Variants in SLC14A2 observed in about 807,000 individuals in gnomAD.
SLC14A2 encodes the protein urea transporter 2.
A neutral mutation model predicts 104.6 loss-of-function variants in SLC14A2; 91 were observed. That is an observed-to-expected ratio of 0.87 (90% CI 0.73 to 1.04). The LOEUF is 1.04. Ranked by LOEUF, SLC14A2 falls within the 50% of genes least tolerant of loss-of-function variation. The pLI, the probability that SLC14A2 is intolerant of heterozygous loss-of-function variation, is 0.00. For missense variants in SLC14A2, 1,189 were observed against 1,156.0 expected (o/e 1.03, Z -0.41); for synonymous variants, 476 against 466.4 (o/e 1.02, Z -0.27).
At chr18:45,529,639 G>T (rs1390733567) in intron 2 of SLC14A2, 1 of 152,090 alleles carries the variant, frequency 6.6e-6, no homozygotes, top group East Asian at 1.9e-4. Flanking sequence ...GTTACATTGA[G>T]GCCCAAGACT....
intron 1 of SLC14A2, among the ~76,000 whole-genome samples, chr18:45,222,157 C>T (rs2084068683): frequency 6.6e-6 from 1 of 152,108 alleles, no homozygotes; most frequent in Non-Finnish European, 1.5e-5. Context: ...GGGCTATAAA[C>T]CTTTTCTTTG....
At chr18:45,280,476 C>T (rs2084750909) in intron 1 of SLC14A2, among the ~76,000 whole-genome samples, 5 of 152,160 alleles carry the variant, frequency 3.3e-5, no homozygotes. Flanking sequence ...GATACTTCCA[C>T]CACCATACTG....
intron 2 of SLC14A2, among the ~76,000 whole-genome samples, chr18:45,519,372 T>C (rs1038458240): frequency 2.0e-5 from 3 of 152,196 alleles, no homozygotes; most frequent in Admixed American, 6.5e-5. Context: ...TTGTAGGAGA[T>C]GGAATGCTCC....
intron 1 of SLC14A2, among the ~76,000 whole-genome samples, chr18:45,434,832 A>G (rs2086571372): frequency 6.6e-6 from 1 of 152,186 alleles, no homozygotes; most frequent in Non-Finnish European, 1.5e-5. Context: ...ATTGCCACCT[A>G]CTTGAAGTGA....
At chr18:45,433,182 A>C (rs540724704) in intron 1 of SLC14A2, among the ~76,000 whole-genome samples, 2 of 152,214 alleles carry the variant, frequency 1.3e-5, no homozygotes, top group Non-Finnish European at 2.9e-5. Context: ...GACTGCAGGC[A>C]GGATCCTTTC....
intron 2 of SLC14A2, among the ~76,000 whole-genome samples, chr18:45,522,236 TATG>T (rs986780660): frequency 6.6e-6 from 1 of 152,196 alleles, no homozygotes; most frequent in Non-Finnish European, 1.5e-5. Context: ...AAGTTCTGGG[TATG>T]ATGTGTTGTG....
At chr18:45,343,100 A>AAAACT (rs2085412619) in intron 1 of SLC14A2, among the ~76,000 whole-genome samples, 2 of 149,344 alleles carry the variant, frequency 1.3e-5, no homozygotes, top group Non-Finnish European at 3.0e-5. Flanking sequence ...AACCTACCTG[A>AAAACT]GTTAGTCCTA....
chr18:45,193,959 T>C, the SLC14A2 span, among the ~76,000 whole-genome samples: 2 of 152,194 alleles, frequency 1.3e-5, no homozygotes, highest in Non-Finnish European at 2.9e-5. Flanking sequence ...AAATATTGCA[T>C]ATTTTTGATG....
intron 1 of SLC14A2, among the ~76,000 whole-genome samples, chr18:45,235,339 A>G (rs2084214278): frequency 1.3e-5 from 2 of 152,174 alleles, no homozygotes; most frequent in East Asian, 1.9e-4. Context: ...GTGATATTTC[A>G]AAGTATGTAT....
At chr18:45,279,848 A>G (rs1428464141) in intron 1 of SLC14A2, among the ~76,000 whole-genome samples, 6 of 152,152 alleles carry the variant, frequency 3.9e-5, no homozygotes, top group Admixed American at 3.9e-4. Flanking sequence ...ACTCTGCAAG[A>G]CATTTAATAA....
At chr18:45,562,616 A>G (rs948014455) in intron 2 of SLC14A2, among the ~76,000 whole-genome samples, 2 of 152,162 alleles carry the variant, frequency 1.3e-5, no homozygotes, top group African/African-American at 2.4e-5. Flanking sequence ...TAGCCCCACA[A>G]CAAGTCCATG....
chr18:45,511,332 T>C (rs2043362984), intron 2 of SLC14A2, among the ~76,000 whole-genome samples: 1 of 152,174 alleles, frequency 6.6e-6, no homozygotes, highest in South Asian at 2.1e-4. Context: ...ATCTCTGAAA[T>C]TCTAGAATTT....
intron 1 of SLC14A2, among the ~76,000 whole-genome samples, chr18:45,285,295 C>T (rs190801583): frequency 1.3e-5 from 2 of 152,294 alleles, no homozygotes; most frequent in Admixed American, 6.5e-5. Context: ...ACCTAATGCT[C>T]AAAGAAGCTA....
upstream of SLC14A2, among the ~76,000 whole-genome samples, chr18:45,611,740 A>G (rs1225900534): frequency 1.3e-5 from 2 of 152,216 alleles, no homozygotes; most frequent in Non-Finnish European, 2.9e-5. Context: ...AGACAGTCTT[A>G]GCTCCTGTGT....
intron 1 of SLC14A2, among the ~76,000 whole-genome samples, chr18:45,402,231 CTTCCT>C (rs1019984006): frequency 1.3e-5 from 2 of 152,178 alleles, no homozygotes; most frequent in Non-Finnish European, 2.9e-5. Flanking sequence ...GCACCCCTCC[CTTCCT>C]TTCCTCCTGC....
At chr18:45,656,136 A>G (rs1225066179) in intron 10 of SLC14A2, among the ~76,000 whole-genome samples, 1 of 152,246 alleles carries the variant, frequency 6.6e-6, no homozygotes, top group African/African-American at 2.4e-5. Context: ...AGGAAACTCC[A>G]CTGCGGCCTC....
rs556369766 is a variant in SLC14A2 at position 45,216,357 on chromosome 18, G to A, written c.-125+3166G>A. Among the ~76,000 whole-genome samples, 65 of 152,260 alleles carry A rather than the reference G, an allele frequency of 4.3e-4. No individual in the cohort carries two copies. The South Asian group carries it at 0.013, about 31-fold the overall frequency. The stretch of plus-strand genomic sequence containing the variant: ...AAGCTATGTCTTCTGGGACAAGGGG[G>A]TGCCTGTGGCCTGTCCTCCCTGCTG... On this transcript the variant is annotated intron_variant, in intron 1 of 20. Transcript: ENST00000586448.
Position 45,679,482 on chromosome 18 carries a change from C to T in SLC14A2, c.2562+458C>T, listed in dbSNP as rs143968937. On this transcript the variant is annotated intron_variant, in intron 19 of 19. Transcript: ENST00000255226. Reference sequence around the variant, plus strand: ...AAGCCAGAGCTGAGGCTTAAAGTCACGGGCCACAGTCTGGGAACCCCTTCC... The same window carrying T: ...AAGCCAGAGCTGAGGCTTAAAGTCATGGGCCACAGTCTGGGAACCCCTTCC... Among the ~76,000 whole-genome samples, 406 of 152,314 alleles carry T rather than the reference C, an allele frequency of 2.7e-3. 4 individuals are homozygous for T. Among genetic ancestry groups the T allele is most frequent in the African/African-American group, 9.0e-3 (375 of 41,564 alleles).
intron 16 of SLC14A2, among the ~76,000 whole-genome samples, chr18:45,670,976 G>A (rs973081198): frequency 1.3e-5 from 2 of 152,124 alleles, no homozygotes; most frequent in South Asian, 2.1e-4. Flanking sequence ...AACTATTTGT[G>A]TTAGTCGGAT....
Sources: gnomAD v4.1 joint callset for allele counts (sites outside exome capture counted in the v4.1 genomes callset) on GRCh38, gnomAD v4.1.1 for gene constraint, MANE v1.5 for transcripts, NCBI Gene and HGNC (gene_info 2026-07-23, HGNC 2026-07-21) for gene names.